The following TEX9 variants were observed in gnomAD, a reference collection of about 807,000 sequenced individuals.
The protein encoded by TEX9 is testis-expressed protein 9.
TEX9 carries 74 observed loss-of-function variants against 59.6 expected under a neutral mutation model. The ratio of observed to expected loss-of-function variants is 1.24; its 90% CI spans 1.03 to 1.51. The LOEUF (loss-of-function observed/expected upper bound fraction) is 1.51, where lower values mean the gene tolerates loss of function less well. Ranked by LOEUF, TEX9 falls within the 40% of genes most tolerant of loss-of-function variation. TEX9 has a pLI of 0.00. For synonymous variants in TEX9, 186 were observed against 152.2 expected, an observed-to-expected ratio of 1.22 and a Z score of -1.64; for missense variants, 522 against 447.8, an observed-to-expected ratio of 1.17 and a Z score of -1.49.
chr15:56,446,833 A>G (rs1451301805), downstream of TEX9: 2 of 1,585,634 alleles, frequency 1.3e-6, no homozygotes, highest in Non-Finnish European at 1.7e-6. Flanking sequence ...GACCAGAAAC[A>G]TGATTACCAT....
intron 9 of TEX9, among the ~76,000 whole-genome samples, chr15:56,405,372 A>G (rs2049028153): frequency 6.6e-6 from 1 of 152,060 alleles, no homozygotes; most frequent in Non-Finnish European, 1.5e-5. Flanking sequence ...AAGGTTATAT[A>G]TAGGTAGTGG....
chr15:56,244,990 C>T (rs554140466), intron 1 of TEX9, among the ~76,000 whole-genome samples: 8 of 152,304 alleles, frequency 5.3e-5, no homozygotes, highest in Admixed American at 2.0e-4. Context: ...TCAGCTCACA[C>T]TGACCTTTCT....
chr15:56,287,378 C>T (rs1186773746), intron 1 of TEX9, among the ~76,000 whole-genome samples: 3 of 151,758 alleles, frequency 2.0e-5, no homozygotes, highest in African/African-American at 4.8e-5. Flanking sequence ...AAGAACTTAA[C>T]TTTTTTAAAA....
intron 1 of TEX9, among the ~76,000 whole-genome samples, chr15:56,247,904 A>G (rs1353898312): frequency 3.9e-5 from 6 of 152,166 alleles, no homozygotes; most frequent in African/African-American, 1.4e-4. Context: ...TTCCATTGCA[A>G]GCTTTCTCCT....
At chr15:56,378,781 G>A (rs1297952272) in intron 3 of TEX9, among the ~76,000 whole-genome samples, 1 of 151,834 alleles carries the variant, frequency 6.6e-6, no homozygotes, top group Non-Finnish European at 1.5e-5. Flanking sequence ...AAGATGCATT[G>A]CTGGCTGGAT....
rs1596210393 is a variant in TEX9, at chr15:56,412,250, G to C, written c.829-52G>C. 4.6e-6 allele frequency: 7 copies of C among 1,523,038 alleles called. 1 individual carries two copies. The East Asian group carries it at 1.6e-4, about 36-fold the overall frequency. The allele number at this position is 1,523,038 out of a possible 1,614,324, so 94.3% of individuals were successfully genotyped here. A position where few individuals can be genotyped will look rare whatever the true frequency, so the allele number is the denominator to read the frequency against. On this transcript the variant is annotated intron_variant, in intron 9 of 12. Transcript: ENST00000352903. Reference sequence around the variant, plus strand: ...TGGAAGATACTGCAAAATGATAAAGGGGGAAACTATGATATATTTATAAAT... The same window carrying C: ...TGGAAGATACTGCAAAATGATAAAGCGGGAAACTATGATATATTTATAAAT...
intron 1 of TEX9, among the ~76,000 whole-genome samples, chr15:56,263,451 T>C (rs1202663263): frequency 6.6e-6 from 1 of 152,218 alleles, no homozygotes; most frequent in Admixed American, 6.5e-5. Flanking sequence ...TGTTTTTAAA[T>C]TATTTCTCTC....
intron 9 of TEX9, among the ~76,000 whole-genome samples, chr15:56,411,680 G>A (rs1215716927): frequency 6.6e-6 from 1 of 152,190 alleles, no homozygotes; most frequent in East Asian, 1.9e-4. Context: ...GTGGAGTTAA[G>A]AGTTTATCCT....
chr15:56,287,091 A>C (rs569212552), intron 1 of TEX9, among the ~76,000 whole-genome samples: 22 of 152,310 alleles, frequency 1.4e-4, no homozygotes, highest in African/African-American at 4.8e-4. Flanking sequence ...TAATGGCCCA[A>C]GTTTTCAATA....
intron 1 of TEX9, among the ~76,000 whole-genome samples, chr15:56,269,666 T>C (rs2044476419): frequency 6.7e-6 from 1 of 150,134 alleles, no homozygotes; most frequent in Non-Finnish European, 1.5e-5. Context: ...TTTTTTTTTT[T>C]TTTTGAGACG....
intron 12 of TEX9, chr15:56,434,530 G>A: frequency 1.0e-6 from 1 of 952,812 alleles, no homozygotes. Flanking sequence ...GGCTTTTCAT[G>A]ATAACTTTGT....
At chr15:56,444,599 T>G (rs2050876356) in intron 12 of TEX9, 4 of 1,613,350 alleles carry the variant, frequency 2.5e-6, no homozygotes, top group Non-Finnish European at 2.5e-6. Flanking sequence ...TTCGTTTGTC[T>G]TCTGCAGCAT....
At chr15:56,337,867 C>CTAGGA (rs1162772211) in intron 1 of TEX9, among the ~76,000 whole-genome samples, 1 of 152,138 alleles carries the variant, frequency 6.6e-6, no homozygotes, top group East Asian at 1.9e-4. Flanking sequence ...GTCTGTGTTT[C>CTAGGA]CCAAGTGGCT....
At chr15:56,304,375 A>C (rs554490799) in intron 1 of TEX9, among the ~76,000 whole-genome samples, 1 of 152,290 alleles carries the variant, frequency 6.6e-6, no homozygotes, top group South Asian at 2.1e-4. Flanking sequence ...GATACTAGCT[A>C]TGGGTCTGTC....
intron 9 of TEX9, among the ~76,000 whole-genome samples, chr15:56,401,817 A>G (rs1364509349): frequency 1.4e-4 from 22 of 152,246 alleles, no homozygotes; most frequent in Non-Finnish European, 2.9e-5. Flanking sequence ...AGAACTCAGG[A>G]TTAAGAAACT....
intron 12 of TEX9, chr15:56,443,577 C>T (rs772642304): frequency 1.3e-6 from 2 of 1,582,700 alleles, no homozygotes; most frequent in Admixed American, 1.8e-5. Flanking sequence ...TTATAGGATC[C>T]AAATTCTGTA....
rs56766153 is a variant in TEX9 at position 56,302,320 on chromosome 15, T to TACACACACACAC, written c.-107+58073_-107+58084dup. Reference sequence around the variant, plus strand: ...CTGGGCAACAGAGCAAGACACTGTTTACACACACACACACACACACACACA... The same window carrying TACACACACACAC: ...CTGGGCAACAGAGCAAGACACTGTTTACACACACACACACACACACACACACACACACACACA... On this transcript the variant is annotated intron_variant, in intron 1 of 5. Coordinates refer to the TEX9 transcript ENST00000560827. Among the ~76,000 whole-genome samples the TACACACACACAC allele has an allele frequency of 1.3e-3, 174 of 135,786 alleles. 1 individual carries two copies. The highest frequency in any genetic ancestry group is 4.0e-3 in the East Asian group (18 of 4,456). 89.1% of individuals were successfully genotyped at this position (135,786 alleles called of 152,430 possible).
chr15:56,299,410 G>C (rs1318044851), intron 1 of TEX9, among the ~76,000 whole-genome samples: 2 of 152,126 alleles, frequency 1.3e-5, no homozygotes, highest in East Asian at 3.9e-4. Flanking sequence ...TACCACCATG[G>C]GCTAAAACAC....
intron 12 of TEX9, chr15:56,428,557 C>T: frequency 1.5e-6 from 1 of 685,640 alleles, no homozygotes; most frequent in Non-Finnish European, 2.3e-6. Context: ...ATTATGAAAG[C>T]AAAATAATTT....
Sources: gnomAD v4.1 joint callset for allele counts (sites outside exome capture counted in the v4.1 genomes callset) on GRCh38, gnomAD v4.1.1 for gene constraint, MANE v1.5 for transcripts, NCBI Gene and HGNC (gene_info 2026-07-23, HGNC 2026-07-21) for gene names.